SYVN1: variants seen among roughly 807,000 people sequenced by gnomAD.
The protein encoded by SYVN1 is synoviolin 1.
Under a neutral mutation model 62.6 loss-of-function variants are expected in SYVN1, and 17 were observed. That is an observed-to-expected ratio of 0.27 (90% CI 0.19 to 0.41). The LOEUF (loss-of-function observed/expected upper bound fraction) is 0.41. Ranked by LOEUF, SYVN1 falls within the 10% of genes least tolerant of loss-of-function variation. The pLI is 1.00. For synonymous variants in SYVN1, 316 were observed against 304.0 expected, an observed-to-expected ratio of 1.04 and a Z score of -0.41; for missense variants, 634 against 818.0, an observed-to-expected ratio of 0.78 and a Z score of 2.74.
chr11:65,131,213 G>T lies in SYVN1; in HGVS notation c.759-16C>A. On this transcript the variant is annotated splice_polypyrimidine_tract_variant and intron_variant, in intron 8 of 15. Coordinates refer to ENST00000377190, the MANE Select transcript of SYVN1 (RefSeq NM_172230.3). ...CTTGAACTGTCTGAAAGGACAGTCA[G>T]TGAAAGCAGGAGAAGGGACGGGATC... 6.2e-7 allele frequency: 1 copy of T among 1,614,132 alleles called. No homozygotes were observed. Among genetic ancestry groups the T allele is most frequent in the Non-Finnish European group, 8.5e-7 (1 of 1,179,948 alleles).
chr11:65,133,595 G>A lies in SYVN1; in HGVS notation c.7C>T (p.Arg3Cys), dbSNP rs896905213. The A allele has an allele frequency of 3.1e-6, 5 of 1,609,856 alleles. No homozygotes were observed. The South Asian group carries it at 4.4e-5, about 14-fold the overall frequency. Residue 3 changes from arginine to cysteine, a missense_variant, in exon 2 of 16, where the codon CGC becomes TGC. By Grantham distance (180) the Arg-to-Cys change is radical. This residue lies in a region of SYVN1 where 283 missense variants were observed against 444.7 expected (regional missense o/e 0.64). Transcript: ENST00000377190. MFRTAVMMAASLA... is the reference protein window; with the variant it reads MFCTAVMMAASLA... ...CTGGCCGCCATCATCACTGCCGTGC[G>A]GAACATTGCCCTGGCCCGGAGACCT...
chr11:65,131,403 G>C, intron 7 of SYVN1, 30 bp from the exon 8 acceptor site: 1 of 1,613,898 alleles, frequency 6.2e-7, no homozygotes, highest in Non-Finnish European at 8.5e-7. Flanking sequence ...AAAGCAGCAG[G>C]TCACAGGGCC....
chr11:65,129,549 TTC>T, intron 14 of SYVN1, 178 bp downstream of exon 14: 1 of 585,842 alleles, frequency 1.7e-6, no homozygotes, highest in South Asian at 2.2e-5. Context: ...CAGACATGCT[TTC>T]TGGAGTGGGA....
At position 65,131,195 on chromosome 11, in the gene SYVN1, T is replaced by C; in HGVS notation, c.761A>G (p.Gln254Arg). 6.2e-7 allele frequency: 1 copy of C among 1,614,154 alleles called. No homozygotes were observed. Among genetic ancestry groups the C allele is most frequent in the Non-Finnish European group, 8.5e-7 (1 of 1,180,006 alleles). Residue 254 changes from glutamine to arginine, a missense_variant and splice_region_variant, in exon 9 of 16, where the codon CAG (glutamine) becomes CGG (arginine). This residue lies in a region of SYVN1 where 283 missense variants were observed against 444.7 expected (regional missense o/e 0.64). Transcript: ENST00000377190. ...AIRPMYLAMR[Q>R]FKKAVTDAIM... ...GGCATCTGTCACAGCTTTCTTGAAC[T>C]GTCTGAAAGGACAGTCAGTGAAAGC...
In SYVN1 at chr11:65,129,910, G is replaced by T; in HGVS notation, c.1414C>A (p.Pro472Thr). ...GMPLPPPFAF[P>T]PMPVPPAGFA... ...CCCGCAGGGGGCACAGGCATTGGGG[G>T]GAAGGCTGGAGAGAGAGAGGCTCAG... Residue 472 changes from proline to threonine, a missense_variant, in exon 14 of 16, where the codon CCC (proline) becomes ACC (threonine). By Grantham distance (38) the Pro-to-Thr change is conservative (BLOSUM62 -1). Around this residue, in one of 2 missense-constraint regions of SYVN1, gnomAD observed 351 missense variants for 373.3 expected, o/e 0.94. Transcript: ENST00000377190. The T allele has an allele frequency of 6.2e-7, 1 of 1,613,418 alleles. No individual in the cohort carries two copies. The highest frequency in any genetic ancestry group is 8.5e-7 in the Non-Finnish European group (1 of 1,179,634).
At chr11:65,132,074 C>T (rs901671411) in intron 6 of SYVN1, among the ~76,000 whole-genome samples, 174 bp downstream of exon 6, 1 of 152,176 alleles carries the variant, frequency 6.6e-6, no homozygotes, top group Non-Finnish European at 1.5e-5. Context: ...GTGCGTCTCC[C>T]CAGTCACCTA....
At position 65,131,054 on chromosome 11, in the gene SYVN1, G is replaced by C. The variant is rs749835511; in HGVS notation, c.825-18C>G. 6.2e-7 allele frequency: 1 copy of C among 1,613,644 alleles called. No homozygotes were observed. Among genetic ancestry groups the C allele is most frequent in the South Asian group, 1.1e-5 (1 of 91,074 alleles). ...CTGGATACCTGGTTAGGATGACAGGGGCTGTATCAGGTCCAGAGCTGGAAG... is the reference window on the plus strand; with the variant it reads ...CTGGATACCTGGTTAGGATGACAGGCGCTGTATCAGGTCCAGAGCTGGAAG... On this transcript the variant is annotated intron_variant, in intron 9 of 15. Coordinates refer to ENST00000377190, the MANE Select transcript of SYVN1 (RefSeq NM_172230.3).
In SYVN1 at chr11:65,132,147, T is replaced by C. The variant is rs568373777; in HGVS notation, c.531+101A>G. On this transcript the variant is annotated intron_variant, in intron 6 of 15. Transcript: ENST00000377190. ...ACTGCCCCTTGGTGGCCAGCACAGG[T>C]TGGCCACATAGCAGGTGCTGAGGAA... 4.8e-5 allele frequency: 43 copies of C among 894,278 alleles called. No individual in the cohort carries two copies. In the South Asian group the frequency reaches 5.1e-4, roughly 11 times the overall value. 55.4% of individuals were successfully genotyped at this position (894,278 alleles called of 1,614,324 possible).
intron 5 of SYVN1, 178 bp downstream of exon 5, chr11:65,132,554 C>T: frequency 1.2e-6 from 1 of 858,238 alleles, no homozygotes; most frequent in Non-Finnish European, 1.9e-6. Flanking sequence ...GGTGAGAAGG[C>T]AAAGGGCTGA....
rs1181387641 is a variant in SYVN1, at chr11:65,127,846, G to A, written c.*536C>T. On this transcript the variant is annotated 3_prime_UTR_variant, in exon 16 of 16. Coordinates refer to ENST00000377190, the MANE Select transcript of SYVN1 (RefSeq NM_172230.3). The stretch of plus-strand genomic sequence containing the variant: ...GTGGTTGCCAGTAAGACGCAGAAAT[G>A]CCACAGGGCATAGGGGGCACAGCCA... 1 of 154,836 alleles carries A rather than the reference G, an allele frequency of 6.5e-6. No homozygotes were observed. The highest frequency in any genetic ancestry group is 2.4e-5 in the African/African-American group (1 of 41,490). The allele number at this position is 154,836 out of a possible 1,614,324, so 9.6% of individuals were successfully genotyped here.
chr11:65,128,612 G>C lies in SYVN1; in HGVS notation c.1698C>G (p.Thr566=), dbSNP rs1317141804. ...CTGGTGGGGAGGCTCCTGGGGTTGG[G>C]GTCGTGGCCTCTGAGCTAGGGATGC... is the stretch of plus-strand genomic sequence containing the variant. ...STSIPSSEAT[T]PTPGASPPAP... is the part of the protein sequence containing the mutation. Residue 566 remains threonine (T), a synonymous_variant, in exon 15 of 16, where the codon ACC becomes ACG. Transcript: ENST00000377190. The C allele has an allele frequency of 5.0e-6, 8 of 1,614,130 alleles. No individual in the cohort carries two copies. The highest frequency in any genetic ancestry group is 6.8e-6 in the Non-Finnish European group (8 of 1,180,002).
intron 14 of SYVN1, chr11:65,129,250 A>G (rs1429644754): frequency 5.8e-6 from 1 of 172,840 alleles, no homozygotes; most frequent in Admixed American, 5.5e-5. Flanking sequence ...CTGGCAGTAC[A>G]CATCACTTAT....
chr11:65,132,850 C>T (rs1948198931), intron 4 of SYVN1, 70 bp from the exon 5 acceptor site: 1 of 1,613,352 alleles, frequency 6.2e-7, no homozygotes, highest in Non-Finnish European at 8.5e-7. Context: ...CCTAGCCCTC[C>T]CTGCTCCTTA....
At chr11:65,128,949 T>C in intron 14 of SYVN1, 1 of 550,364 alleles carries the variant, frequency 1.8e-6, no homozygotes, top group South Asian at 2.3e-5. Context: ...ACTGTTGACC[T>C]GTTCACTCTT....
intron 6 of SYVN1, 106 bp downstream of exon 6, chr11:65,132,142 A>T: frequency 1.2e-6 from 1 of 863,340 alleles, no homozygotes; most frequent in Non-Finnish European, 2.0e-6. Flanking sequence ...GGTGGCCAGC[A>T]CAGGTTGGCC....
Position 65,133,270 on chromosome 11 carries a change from C to G in SYVN1, c.133-18G>C, listed in dbSNP as rs1948203981. The G allele has an allele frequency of 6.2e-7, 1 of 1,613,682 alleles. No individual in the cohort carries two copies. Among genetic ancestry groups the G allele is most frequent in the South Asian group, 1.1e-5 (1 of 91,060 alleles). On this transcript the variant is annotated intron_variant, in intron 2 of 15. Coordinates refer to ENST00000377190, the MANE Select transcript of SYVN1 (RefSeq NM_172230.3). Reference sequence around the variant, plus strand: ...TACAGGACCTAGGAGTGGGGAGAGGCTGTGGTTTGAGGTCACTTTCTGCTT... The same window carrying G: ...TACAGGACCTAGGAGTGGGGAGAGGGTGTGGTTTGAGGTCACTTTCTGCTT...
Position 65,133,257 on chromosome 11 carries a change from G to A in SYVN1, c.133-5C>T. 6.2e-7 allele frequency: 1 copy of A among 1,614,152 alleles called. No homozygotes were observed. Among genetic ancestry groups the A allele is most frequent in the Non-Finnish European group, 8.5e-7 (1 of 1,180,014 alleles). ...AAAGGCCTGGATGTACAGGACCTAGGAGTGGGGAGAGGCTGTGGTTTGAGG... is the reference window on the plus strand; with the variant it reads ...AAAGGCCTGGATGTACAGGACCTAGAAGTGGGGAGAGGCTGTGGTTTGAGG... On this transcript the variant is annotated splice_polypyrimidine_tract_variant and splice_region_variant and intron_variant, in intron 2 of 15. Transcript: ENST00000377190.
intron 15 of SYVN1, 35 bp from the exon 16 acceptor site, chr11:65,128,523 A>G (rs774021481): frequency 1.9e-6 from 3 of 1,613,196 alleles, no homozygotes; most frequent in Non-Finnish European, 1.7e-6. Flanking sequence ...GAACCTAGAG[A>G]AGTTCCCTGC....
Position 65,132,728 on chromosome 11 carries a change from TCA to T in SYVN1, c.427+2_427+3del. The T allele has an allele frequency of 6.2e-7, 1 of 1,614,162 alleles. No homozygotes were observed. The highest frequency in any genetic ancestry group is 8.5e-7 in the Non-Finnish European group (1 of 1,180,026). The stretch of plus-strand genomic sequence containing the variant: ...TCCCTTCCCCTCCCCTGAATCTCAC[TCA>T]CAGACAATGCGGCAGTGAAAGAGCC... On this transcript the variant is annotated splice_donor_variant and splice_donor_region_variant and intron_variant, in intron 5 of 15. Transcript: ENST00000377190. LOFTEE classifies it high-confidence loss of function.
Sources: allele counts gnomAD v4.1 joint callset (sites outside exome capture counted in the v4.1 genomes callset), GRCh38; gene constraint gnomAD v4.1.1; regional missense constraint gnomAD v4.1.1; transcripts MANE v1.5; gene names NCBI Gene and HGNC (gene_info 2026-07-23, HGNC 2026-07-21).